Variants in NUCKS1 observed in about 807,000 individuals in gnomAD.
NUCKS1 encodes the protein nuclear casein kinase and cyclin dependent kinase substrate 1.
Under a neutral mutation model 33.0 loss-of-function variants are expected in NUCKS1, and 2 were observed. That is an observed-to-expected ratio of 0.06 (90% CI 0.02 to 0.19). The LOEUF is 0.19. Among genes scored for constraint, NUCKS1 ranks in the 10% least tolerant of loss-of-function variants. The probability of loss-of-function intolerance (pLI) is 1.00; values close to 1 mark genes in which losing one functional copy is unlikely to be tolerated. For missense variants in NUCKS1, 201 were observed against 293.6 expected, an observed-to-expected ratio of 0.68 and a Z score of 2.31; for synonymous variants, 106 against 102.8, an observed-to-expected ratio of 1.03 and a Z score of -0.19.
Position 205,720,088 on chromosome 1 carries a change from A to G in NUCKS1, c.383-412T>C, listed in dbSNP as rs532330956. 3.9e-5 allele frequency among the ~76,000 whole-genome samples: 6 copies of G among 152,346 alleles called. No homozygotes were observed. In the South Asian group the frequency reaches 1.2e-3, roughly 32 times the overall value. ...AAACAAGAAAACCAAACACAAAACA[A>G]AAATACATAGGATTAACTAATCTGA... On this transcript the variant is annotated intron_variant, in intron 5 of 6. Transcript: ENST00000367142.
chr1:205,728,094 C>T (rs1416432882), intron 2 of NUCKS1, among the ~76,000 whole-genome samples: 1 of 152,096 alleles, frequency 6.6e-6, no homozygotes, highest in East Asian at 1.9e-4. Flanking sequence ...AACATCTTCA[C>T]ACTTATTTGA....
rs1671797149 is a variant in NUCKS1, at chr1:205,714,876, A to C, written c.*3404T>G. On this transcript the variant is annotated 3_prime_UTR_variant, in exon 7 of 7. Coordinates refer to ENST00000367142, the MANE Select transcript of NUCKS1 (RefSeq NM_022731.5). ...CAGTGCAGCTACCAATGATGCAGGCAAAGAACTGTTCAAGCCAGCACTCAT... is the reference window on the plus strand; with the variant it reads ...CAGTGCAGCTACCAATGATGCAGGCCAAGAACTGTTCAAGCCAGCACTCAT... 1 of 152,220 alleles carries C rather than the reference A, an allele frequency of 6.6e-6. No homozygotes were observed. The highest frequency in any genetic ancestry group is 2.1e-4 in the South Asian group (1 of 4,834). 9.4% of individuals were successfully genotyped at this position (152,220 alleles called of 1,614,324 possible). A position where few individuals can be genotyped will look rare whatever the true frequency, so the allele number is the denominator to read the frequency against.
At chr1:205,742,854 C>G (rs188877173) in intron 1 of NUCKS1, among the ~76,000 whole-genome samples, 1 of 152,078 alleles carries the variant, frequency 6.6e-6, no homozygotes, top group African/African-American at 2.4e-5. Flanking sequence ...AATAAACAAA[C>G]AAATAAATAA....
intron 1 of NUCKS1, among the ~76,000 whole-genome samples, chr1:205,735,036 G>A (rs1654003464): frequency 6.6e-6 from 1 of 152,088 alleles, no homozygotes. Context: ...TGATGAATTT[G>A]TTCCTAATGA....
At chr1:205,728,514 A>G (rs1653830741) in intron 2 of NUCKS1, among the ~76,000 whole-genome samples, 1 of 152,230 alleles carries the variant, frequency 6.6e-6, no homozygotes, top group African/African-American at 2.4e-5. Flanking sequence ...ACACATTAAC[A>G]GATTATTCTA....
At position 205,714,294 on chromosome 1, in the gene NUCKS1, C is replaced by T. The variant is rs1336411771; in HGVS notation, c.*3986G>A. On this transcript the variant is annotated 3_prime_UTR_variant, in exon 7 of 7. Transcript: ENST00000367142. ...AACAAAAAAATCCCAATTTTACCCTCCCCCAATAATCTAGAAAACCCTCCC... is the reference window on the plus strand; with the variant it reads ...AACAAAAAAATCCCAATTTTACCCTTCCCCAATAATCTAGAAAACCCTCCC... 1 of 152,110 alleles carries T rather than the reference C, an allele frequency of 6.6e-6. No individual in the cohort carries two copies. Among genetic ancestry groups the T allele is most frequent in the East Asian group, 1.9e-4 (1 of 5,202 alleles). 9.4% of individuals were successfully genotyped at this position (152,110 alleles called of 1,614,324 possible).
chr1:205,727,948 A>C (rs914037890), intron 2 of NUCKS1, 143 bp from the exon 3 acceptor site: 30 of 645,286 alleles, frequency 4.6e-5, no homozygotes, highest in Non-Finnish European at 7.6e-5. Flanking sequence ...ATCTTTAAAA[A>C]ACTAAATTAT....
At chr1:205,734,925 A>G (rs1306848640) in intron 1 of NUCKS1, among the ~76,000 whole-genome samples, 3 of 152,132 alleles carry the variant, frequency 2.0e-5, no homozygotes, top group Non-Finnish European at 2.9e-5. Context: ...TATTTCCCAA[A>G]CAATGTCCTG....
chr1:205,750,147 A>G lies in NUCKS1; in HGVS notation c.-174T>C. The G allele has an allele frequency of 1.6e-6, 1 of 631,772 alleles. No homozygotes were observed. Among genetic ancestry groups the G allele is most frequent in the Non-Finnish European group, 2.8e-6 (1 of 357,486 alleles). 39.1% of individuals were successfully genotyped at this position (631,772 alleles called of 1,614,324 possible). On this transcript the variant is annotated 5_prime_UTR_variant, in exon 1 of 7. Transcript: ENST00000367142. ...CTTTGGTTCAGGGCTCCTGGAACAG[A>G]CGAGCCCCCCGCTCCCCCGTCTCTT...
rs189741488 is a variant in NUCKS1 at position 205,734,090 on chromosome 1, G to C, written c.18-4469C>G. On this transcript the variant is annotated intron_variant, in intron 1 of 6. Coordinates refer to ENST00000367142, the MANE Select transcript of NUCKS1 (RefSeq NM_022731.5). ...GACGGGGCCTTTCTATGTTTCCCAT[G>C]CTGGTCTCAAACTCCTGGCCTCAAG... Among the ~76,000 whole-genome samples the C allele has an allele frequency of 5.3e-5, 8 of 151,304 alleles. No homozygotes were observed. The East Asian group carries it at 1.5e-3, about 29-fold the overall frequency.
chr1:205,748,802 C>G (rs1323702146), intron 1 of NUCKS1, among the ~76,000 whole-genome samples: 2 of 152,210 alleles, frequency 1.3e-5, no homozygotes, highest in African/African-American at 2.4e-5. Context: ...ACTGTTAAAA[C>G]ATTTAAAAAC....
At chr1:205,724,072 T>C (rs758348140) in intron 3 of NUCKS1, 91 bp from the exon 4 acceptor site, 2 of 908,858 alleles carry the variant, frequency 2.2e-6, no homozygotes, top group Non-Finnish European at 3.7e-6. Context: ...TGAGAAGAAG[T>C]GAAAAATACC....
chr1:205,743,202 C>A (rs1654224534), intron 1 of NUCKS1, among the ~76,000 whole-genome samples: 1 of 152,158 alleles, frequency 6.6e-6, no homozygotes, highest in Non-Finnish European at 1.5e-5. Flanking sequence ...CCCCAAAAAC[C>A]AAAAACTTTT....
chr1:205,741,920 C>T (rs2102446772), intron 1 of NUCKS1, among the ~76,000 whole-genome samples: 2 of 152,264 alleles, frequency 1.3e-5, no homozygotes, highest in East Asian at 3.9e-4. Context: ...AAAAGTGTGA[C>T]GTTCATTTTT....
At chr1:205,719,340 A>C (rs1671882065) in intron 6 of NUCKS1, among the ~76,000 whole-genome samples, 187 bp downstream of exon 6, 1 of 152,228 alleles carries the variant, frequency 6.6e-6, no homozygotes, top group Admixed American at 6.5e-5. Flanking sequence ...CTAGACTCTT[A>C]AACAGGCTAG....
At chr1:205,741,976 T>TA (rs1654188109) in intron 1 of NUCKS1, among the ~76,000 whole-genome samples, 1 of 152,238 alleles carries the variant, frequency 6.6e-6, no homozygotes, top group Admixed American at 6.5e-5. Flanking sequence ...TCTCTGATTT[T>TA]ATAGAACCAA....
chr1:205,727,836 A>C, intron 2 of NUCKS1, 31 bp from the exon 3 acceptor site: 1 of 1,421,156 alleles, frequency 7.0e-7, no homozygotes, highest in Non-Finnish European at 9.9e-7. Flanking sequence ...TTAATTAACT[A>C]TGATTTTTAC....
At position 205,715,805 on chromosome 1, in the gene NUCKS1, G is replaced by A. The variant is rs537720444; in HGVS notation, c.*2475C>T. 6.6e-6 allele frequency: 1 copy of A among 152,322 alleles called. No individual in the cohort carries two copies. Among genetic ancestry groups the A allele is most frequent in the Admixed American group, 6.5e-5 (1 of 15,278 alleles). 9.4% of individuals were successfully genotyped at this position (152,322 alleles called of 1,614,324 possible). ...AGAGAAAAAGAGGAAGGTTAGTCAAGGATGGTGCCAATGGCCAGTCAGTAT... is the reference window on the plus strand; with the variant it reads ...AGAGAAAAAGAGGAAGGTTAGTCAAAGATGGTGCCAATGGCCAGTCAGTAT... On this transcript the variant is annotated 3_prime_UTR_variant, in exon 7 of 7. Transcript: ENST00000367142.
At chr1:205,724,450 T>A (rs1191509428) in intron 3 of NUCKS1, among the ~76,000 whole-genome samples, 1 of 152,160 alleles carries the variant, frequency 6.6e-6, no homozygotes, top group East Asian at 1.9e-4. Flanking sequence ...TCTCAGCAGT[T>A]TGGGTGGCTG....
Sources: allele counts gnomAD v4.1 joint callset (sites outside exome capture counted in the v4.1 genomes callset), GRCh38; gene constraint gnomAD v4.1.1; transcripts MANE v1.5; gene names NCBI Gene and HGNC (gene_info 2026-07-23, HGNC 2026-07-21).